The following GPR176 variants were observed in gnomAD, a reference collection of about 807,000 sequenced individuals.
GPR176 encodes the protein G-protein coupled receptor 176.
A neutral mutation model predicts 35.4 loss-of-function variants in GPR176; 26 were observed. That is an observed-to-expected ratio of 0.74 (90% CI 0.54 to 1.02). GPR176 has a LOEUF of 1.02. Among genes scored for constraint, GPR176 ranks in the 50% least tolerant of loss-of-function variants. GPR176 has a pLI of 0.00. For missense variants in GPR176, 597 were observed against 665.3 expected (o/e 0.90, Z 1.13); for synonymous variants, 278 against 271.3 (o/e 1.02, Z -0.24).
chr15:39,840,681 G>C (rs962514420), intron 1 of GPR176, among the ~76,000 whole-genome samples: 1 of 152,084 alleles, frequency 6.6e-6, no homozygotes, highest in African/African-American at 2.4e-5. Flanking sequence ...CATTGTCAAT[G>C]TAAGAACCAA....
At chr15:39,910,029 A>G (rs1407355515) in intron 1 of GPR176, 4 of 202,524 alleles carry the variant, frequency 2.0e-5, no homozygotes, top group Admixed American at 6.5e-5. Flanking sequence ...TGATGAATAC[A>G]GGAAGGGAAT....
intron 1 of GPR176, among the ~76,000 whole-genome samples, chr15:39,825,120 T>C (rs1033914423): frequency 6.6e-5 from 10 of 152,118 alleles, no homozygotes; most frequent in African/African-American, 2.4e-4. Flanking sequence ...GATACGAGGA[T>C]CACTTGAGAC....
chr15:39,871,278 C>T (rs931309770), intron 1 of GPR176, among the ~76,000 whole-genome samples: 2 of 152,246 alleles, frequency 1.3e-5, no homozygotes, highest in African/African-American at 4.8e-5. Flanking sequence ...TGGCCCAAAA[C>T]AGATGAAGAA....
At chr15:39,895,728 A>G (rs913005173) in intron 1 of GPR176, among the ~76,000 whole-genome samples, 1 of 152,234 alleles carries the variant, frequency 6.6e-6, no homozygotes, top group Non-Finnish European at 1.5e-5. Flanking sequence ...AATATATTAA[A>G]GCAGACACTA....
At chr15:39,866,377 T>C (rs2031829692) in intron 1 of GPR176, among the ~76,000 whole-genome samples, 1 of 152,154 alleles carries the variant, frequency 6.6e-6, no homozygotes, top group Non-Finnish European at 1.5e-5. Flanking sequence ...ACAGACCCTA[T>C]GATTGAACAA....
chr15:39,897,803 C>G (rs894752595), intron 1 of GPR176, among the ~76,000 whole-genome samples: 3 of 152,098 alleles, frequency 2.0e-5, no homozygotes, highest in Non-Finnish European at 4.4e-5. Context: ...CAATTTATCT[C>G]AGGTCCTGAG....
chr15:39,848,690 T>C (rs1034164354), intron 1 of GPR176, among the ~76,000 whole-genome samples: 1 of 152,054 alleles, frequency 6.6e-6, no homozygotes, highest in East Asian at 1.9e-4. Flanking sequence ...ATTTGAAAGC[T>C]AAACAACATA....
intron 1 of GPR176, among the ~76,000 whole-genome samples, chr15:39,859,435 T>G (rs908296951): frequency 6.6e-6 from 1 of 151,500 alleles, no homozygotes; most frequent in East Asian, 1.9e-4. Flanking sequence ...CATCAGAGAA[T>G]TGCAAATTAA....
chr15:39,894,280 C>T (rs1443500143), intron 1 of GPR176, among the ~76,000 whole-genome samples: 1 of 110,376 alleles, frequency 9.1e-6, no homozygotes, highest in Non-Finnish European at 2.2e-5. Flanking sequence ...CCACCTCCCT[C>T]CCGGACGGGG....
chr15:39,809,208 A>G (rs1413380887), intron 1 of GPR176, among the ~76,000 whole-genome samples: 1 of 152,154 alleles, frequency 6.6e-6, no homozygotes, highest in African/African-American at 2.4e-5. Context: ...TTCTGCTATT[A>G]AGAACCTGAG....
At chr15:39,873,942 G>A (rs1254067883) in intron 1 of GPR176, among the ~76,000 whole-genome samples, 1 of 152,046 alleles carries the variant, frequency 6.6e-6, no homozygotes, top group African/African-American at 2.4e-5. Context: ...GATTTTCAAG[G>A]GCAGGTTTTT....
At chr15:39,829,770 C>T (rs1900942982) in intron 1 of GPR176, among the ~76,000 whole-genome samples, 1 of 152,110 alleles carries the variant, frequency 6.6e-6, no homozygotes. Flanking sequence ...TGGAGGAAGC[C>T]TGTCCCAAAC....
chr15:39,827,220 T>C (rs1900723334), intron 1 of GPR176, among the ~76,000 whole-genome samples: 1 of 152,232 alleles, frequency 6.6e-6, no homozygotes. Flanking sequence ...TTGAGCTTCA[T>C]GCCCTTTCAT....
At chr15:39,897,728 C>T (rs1331089361) in intron 1 of GPR176, among the ~76,000 whole-genome samples, 1 of 150,956 alleles carries the variant, frequency 6.6e-6, no homozygotes, top group Non-Finnish European at 1.5e-5. Flanking sequence ...ATTCTCCTGC[C>T]TCAGCCCCAA....
chr15:39,907,924 G>A (rs1348998627), intron 1 of GPR176, among the ~76,000 whole-genome samples: 1 of 152,180 alleles, frequency 6.6e-6, no homozygotes, highest in African/African-American at 2.4e-5. Context: ...GGCGGAGGTT[G>A]CAGTGAGCCG....
chr15:39,913,103 A>G lies in GPR176; in HGVS notation c.172+6752T>C, dbSNP rs187356195. On this transcript the variant is annotated intron_variant, in intron 1 of 2. Transcript: ENST00000561100. ...TAAACAAAATGTAATATATCCATACAATGAAATATGATTCAGCAATAAAAA... is the reference window on the plus strand; with the variant it reads ...TAAACAAAATGTAATATATCCATACGATGAAATATGATTCAGCAATAAAAA... Among the ~76,000 whole-genome samples the G allele has an allele frequency of 3.3e-5, 5 of 152,378 alleles. No homozygotes were observed. In the East Asian group the frequency reaches 9.6e-4, roughly 29 times the overall value.
chr15:39,873,647 T>G (rs1468985073), intron 1 of GPR176, among the ~76,000 whole-genome samples: 3 of 151,564 alleles, frequency 2.0e-5, no homozygotes, highest in African/African-American at 7.3e-5. Flanking sequence ...GACTAGTTTT[T>G]CTTATTAATA....
chr15:39,906,707 T>A (rs2033432035), intron 1 of GPR176, among the ~76,000 whole-genome samples: 1 of 152,258 alleles, frequency 6.6e-6, no homozygotes, highest in Non-Finnish European at 1.5e-5. Flanking sequence ...ACCACTTTAG[T>A]TCACTGGGCA....
At chr15:39,878,637 C>T (rs368707388) in intron 1 of GPR176, among the ~76,000 whole-genome samples, 1 of 152,246 alleles carries the variant, frequency 6.6e-6, no homozygotes, top group East Asian at 1.9e-4. Flanking sequence ...TGGATACATG[C>T]CCATAAGTGG....
Sources: allele counts gnomAD v4.1 joint callset (sites outside exome capture counted in the v4.1 genomes callset), GRCh38; gene constraint gnomAD v4.1.1; transcripts MANE v1.5; gene names NCBI Gene and HGNC (gene_info 2026-07-23, HGNC 2026-07-21).